CCDC186: variants seen among roughly 807,000 people sequenced by gnomAD.
CCDC186 encodes the protein coiled-coil domain containing 186, also known as coiled-coil domain-containing protein 186.
CCDC186 carries 49 observed loss-of-function variants against 113.7 expected under a neutral mutation model. The ratio of observed to expected loss-of-function variants is 0.43; its 90% confidence interval spans 0.34 to 0.55. The LOEUF is 0.55. Among genes scored for constraint, CCDC186 ranks in the 20% least tolerant of loss-of-function variants. The pLI is 0.02. For missense variants in CCDC186, 890 were observed against 1,011.1 expected, an observed-to-expected ratio of 0.88 and a Z score of 1.62; for synonymous variants, 355 against 345.8, an observed-to-expected ratio of 1.03 and a Z score of -0.30.
At position 114,135,027 on chromosome 10, in the gene CCDC186, C is replaced by T. The variant is rs2031211043; in HGVS notation, c.1541G>A (p.Arg514Lys). 1.9e-6 allele frequency: 3 copies of T among 1,609,620 alleles called. No individual in the cohort carries two copies. Among genetic ancestry groups the T allele is most frequent in the Non-Finnish European group, 2.5e-6 (3 of 1,178,894 alleles). The change falls in exon 10 of 16, where the codon AGA becomes AAA. Residue 514 changes from arginine to lysine, a missense_variant. Physicochemically the swap from Arg to Lys is conservative, Grantham distance 26. Transcript: ENST00000369287. ...KVKCLEDERL[R>K]TEDELSKYKE... ...ATATTTTGATAATTCATCTTCTGTT[C>T]TTAATCGTTCATCTTCTAGACATTT...
Position 114,132,025 on chromosome 10 carries a change from T to C in CCDC186, c.1815A>G (p.Glu605=). The C allele has an allele frequency of 1.2e-6, 2 of 1,613,400 alleles. No homozygotes were observed. Among genetic ancestry groups the C allele is most frequent in the East Asian group, 2.2e-5 (1 of 44,804 alleles). ...LTSKNAQLQS[E]SNSLQSQFDK... ...CAAATTGTGACTGCAAAGAATTGGATTCAGACTGAAGCTGTGCATTCTTAC... is the reference window on the plus strand; with the variant it reads ...CAAATTGTGACTGCAAAGAATTGGACTCAGACTGAAGCTGTGCATTCTTAC... The change falls in exon 11 of 16, where the codon GAA becomes GAG. Residue 605 remains glutamate (E), a synonymous_variant. Coordinates refer to ENST00000369287, the MANE Select transcript of CCDC186 (RefSeq NM_018017.4).
At chr10:114,141,395 C>T (rs1435742077) in intron 6 of CCDC186, among the ~76,000 whole-genome samples, 1 of 152,166 alleles carries the variant, frequency 6.6e-6, no homozygotes. Context: ...TTATTTGAAG[C>T]TTGCTTTTAA....
chr10:114,126,071 C>T lies in CCDC186; in HGVS notation c.2428G>A (p.Gly810Ser). The T allele has an allele frequency of 6.2e-7, 1 of 1,613,840 alleles. No individual in the cohort carries two copies. The highest frequency in any genetic ancestry group is 8.5e-7 in the Non-Finnish European group (1 of 1,179,912). Reference sequence around the variant, plus strand: ...TCAGATGCCTCTGAAGAAAGTGTGCCTGATTCTTCTCGTAAAATATAACTT... The same window carrying T: ...TCAGATGCCTCTGAAGAAAGTGTGCTTGATTCTTCTCGTAAAATATAACTT... ...IQSYILREESGTLSSEASDFN... is the reference protein window; with the variant it reads ...IQSYILREESSTLSSEASDFN... The change falls in exon 15 of 16, where the codon GGC becomes AGC. Residue 810 changes from glycine (G) to serine (S), a missense_variant. Gly to Ser is a moderately conservative substitution (Grantham distance 56, BLOSUM62 0). Coordinates refer to ENST00000369287, the MANE Select transcript of CCDC186 (RefSeq NM_018017.4).
intron 6 of CCDC186, among the ~76,000 whole-genome samples, chr10:114,140,719 C>T (rs2031440908): frequency 6.6e-6 from 1 of 152,022 alleles, no homozygotes; most frequent in African/African-American, 2.4e-5. Flanking sequence ...CTATTAATTC[C>T]ATCCAATGTA....
chr10:114,149,822 AAGGCAGGAAGGCAGGAAGGCAGGCAGGC>A (rs1436865207), intron 4 of CCDC186, among the ~76,000 whole-genome samples: 11,425 of 112,818 alleles, frequency 0.1, 563 homozygotes, highest in African/African-American at 0.15. Flanking sequence ...GGAAGGCAGG[AAGGCAGGAAGGCAGGAAGGCAGGCAGGC>A]AGGCAGGAAG....
At chr10:114,135,609 T>C (rs1041818035) in intron 9 of CCDC186, among the ~76,000 whole-genome samples, 5 of 152,184 alleles carry the variant, frequency 3.3e-5, no homozygotes, top group Non-Finnish European at 1.5e-5. Context: ...GATTCGTTGA[T>C]GAGACTGCCT....
intron 12 of CCDC186, 129 bp from the exon 13 acceptor site, chr10:114,130,100 T>C: frequency 1.5e-6 from 1 of 673,934 alleles, no homozygotes; most frequent in Non-Finnish European, 2.5e-6. Context: ...ATACATACTT[T>C]AGGCAGAGGG....
At position 114,123,294 on chromosome 10, in the gene CCDC186, A is replaced by C. The variant is rs2030787006; in HGVS notation, c.*1849T>G. 1 of 152,648 alleles carries C rather than the reference A, an allele frequency of 6.6e-6. No individual in the cohort carries two copies. Among genetic ancestry groups the C allele is most frequent in the Non-Finnish European group, 1.5e-5 (1 of 68,026 alleles). The allele number at this position is 152,648 out of a possible 1,614,324, so 9.5% of individuals were successfully genotyped here. Reference sequence around the variant, plus strand: ...AATACTTTTTATAACTATTCTAAAAATAAAACATCTTTGAACATATATTTT... The same window carrying C: ...AATACTTTTTATAACTATTCTAAAACTAAAACATCTTTGAACATATATTTT... On this transcript the variant is annotated 3_prime_UTR_variant, in exon 16 of 16. Coordinates refer to ENST00000369287, the MANE Select transcript of CCDC186 (RefSeq NM_018017.4).
chr10:114,172,443 G>A (rs1461163808), intron 1 of CCDC186, among the ~76,000 whole-genome samples: 1 of 152,212 alleles, frequency 6.6e-6, no homozygotes, highest in Non-Finnish European at 1.5e-5. Context: ...ATGGGTGAAA[G>A]AACTAAAAGG....
chr10:114,145,517 G>A, intron 5 of CCDC186, 32 bp downstream of exon 5: 1 of 1,513,128 alleles, frequency 6.6e-7, no homozygotes, highest in South Asian at 1.3e-5. Context: ...TTTCAAATAA[G>A]GTCAACATAT....
intron 3 of CCDC186, among the ~76,000 whole-genome samples, chr10:114,154,812 C>T (rs549700562): frequency 3.9e-5 from 6 of 152,284 alleles, no homozygotes; most frequent in African/African-American, 1.4e-4. Flanking sequence ...GCAGAAACAA[C>T]CCATTTTCCC....
intron 12 of CCDC186, chr10:114,130,184 C>A: frequency 2.7e-6 from 1 of 376,802 alleles, no homozygotes; most frequent in Admixed American, 4.6e-5. Flanking sequence ...AACATTATAA[C>A]TGACACTGGC....
rs145440137 is a variant in CCDC186 at position 114,164,212 on chromosome 10, C to T, written c.-61-883G>A. On this transcript the variant is annotated intron_variant, in intron 1 of 15. Transcript: ENST00000369287. ...CTCGGCTCACTGCTACCTCTGCCTC[C>T]CAGGTTCCAGCAATTCTCCTGCCTC... Among the ~76,000 whole-genome samples the T allele has an allele frequency of 2.7e-3, 379 of 142,866 alleles. 1 individual carries two copies. Among genetic ancestry groups the T allele is most frequent in the African/African-American group, 9.3e-3 (356 of 38,238 alleles). 93.7% of individuals were successfully genotyped at this position (142,866 alleles called of 152,430 possible).
At chr10:114,128,564 A>T (rs1564904557) in intron 13 of CCDC186, among the ~76,000 whole-genome samples, 1 of 152,162 alleles carries the variant, frequency 6.6e-6, no homozygotes, top group East Asian at 1.9e-4. Context: ...ATTTTGGGTG[A>T]ATCATGCAGC....
rs912162084 is a variant in CCDC186 at position 114,123,282 on chromosome 10, A to T, written c.*1861T>A. ...TATGTTAAGACTAATACTTTTTATAACTATTCTAAAAATAAAACATCTTTG... is the reference window on the plus strand; with the variant it reads ...TATGTTAAGACTAATACTTTTTATATCTATTCTAAAAATAAAACATCTTTG... On this transcript the variant is annotated 3_prime_UTR_variant, in exon 16 of 16. Coordinates refer to ENST00000369287, the MANE Select transcript of CCDC186 (RefSeq NM_018017.4). 6.5e-6 allele frequency: 1 copy of T among 152,698 alleles called. No homozygotes were observed. The highest frequency in any genetic ancestry group is 1.9e-4 in the East Asian group (1 of 5,192). The allele number at this position is 152,698 out of a possible 1,614,324, so 9.5% of individuals were successfully genotyped here.
chr10:114,134,881 A>AT (rs760673693), intron 10 of CCDC186, 32 bp downstream of exon 10: 233 of 1,574,510 alleles, frequency 1.5e-4, no homozygotes, highest in Non-Finnish European at 1.8e-4. Flanking sequence ...AAGCTTGCTT[A>AT]TTAATACAAA....
rs758691236 is a variant in CCDC186, at chr10:114,132,187, A to G, written c.1656-3T>C. 1.3e-6 allele frequency: 2 copies of G among 1,548,030 alleles called. No individual in the cohort carries two copies. Among genetic ancestry groups the G allele is most frequent in the South Asian group, 2.4e-5 (2 of 83,444 alleles). ...AATTTTCAATTTCTTGCTTACCTCT[A>G]AAACACAAAATTTATATTTAAGAAA... On this transcript the variant is annotated splice_region_variant and splice_polypyrimidine_tract_variant and intron_variant, in intron 10 of 15. Transcript: ENST00000369287.
chr10:114,150,422 T>A (rs941401637), intron 4 of CCDC186, among the ~76,000 whole-genome samples: 1 of 152,046 alleles, frequency 6.6e-6, no homozygotes, highest in Non-Finnish European at 1.5e-5. Flanking sequence ...TCCAATCAAA[T>A]GGGGGAAAAA....
chr10:114,125,146 G>A lies in CCDC186; in HGVS notation c.2694C>T (p.Thr898=), dbSNP rs2030851636. Reference sequence around the variant, plus strand: ...TTTACTGAGCAAGAGGCTTGTTTTAGGTTTTCTTTGTCCTCTGTTCTAGTT... The same window carrying A: ...TTTACTGAGCAAGAGGCTTGTTTTAAGTTTTCTTTGTCCTCTGTTCTAGTT... ...QHELEQRTKK[T] is the part of the protein sequence containing the mutation. Residue 898 remains threonine, a synonymous_variant, in exon 16 of 16, where the codon ACC becomes ACT. Transcript: ENST00000369287. 1.9e-6 allele frequency: 3 copies of A among 1,600,002 alleles called. No homozygotes were observed. Among genetic ancestry groups the A allele is most frequent in the Non-Finnish European group, 2.6e-6 (3 of 1,172,852 alleles).
Sources: allele counts gnomAD v4.1 joint callset (sites outside exome capture counted in the v4.1 genomes callset), GRCh38; gene constraint gnomAD v4.1.1; transcripts MANE v1.5; gene names NCBI Gene and HGNC (gene_info 2026-07-23, HGNC 2026-07-21).